CD99: variants seen among roughly 807,000 people sequenced by gnomAD.
CD99 encodes CD99 antigen.
CD99 carries 19 observed loss-of-function variants against 28.4 expected under a neutral mutation model. That is an observed-to-expected ratio of 0.67 (90% CI 0.47 to 0.98). The LOEUF (loss-of-function observed/expected upper bound fraction) is 0.98. Ranked by LOEUF, CD99 falls within the 50% of genes least tolerant of loss-of-function variation. The pLI, the probability that CD99 is intolerant of heterozygous loss-of-function variation, is 0.00. For missense variants in CD99, 283 were observed against 248.8 expected, an observed-to-expected ratio of 1.14 and a Z score of -0.92; for synonymous variants, 103 against 92.1, an observed-to-expected ratio of 1.12 and a Z score of -0.67.
intron 1 of CD99, among the ~76,000 whole-genome samples, chrX:2,694,487 A>G (rs2047481533): frequency 1.4e-5 from 2 of 143,344 alleles, no homozygotes; most frequent in African/African-American, 5.3e-5. Flanking sequence ...ACGGTGACTC[A>G]GGCCTGTAAA....
intron 8 of CD99, among the ~76,000 whole-genome samples, chrX:2,730,954 AG>A (rs2049573097): frequency 6.6e-6 from 1 of 151,274 alleles, no homozygotes; most frequent in East Asian, 1.9e-4. Flanking sequence ...AAAAAGAGAA[AG>A]AAAACAAAAA....
intron 8 of CD99, among the ~76,000 whole-genome samples, chrX:2,734,848 T>C (rs1183356141): frequency 6.6e-6 from 1 of 152,150 alleles, no homozygotes; most frequent in Non-Finnish European, 1.5e-5. Context: ...CTTTTCTTAT[T>C]TGCCCTCTTG....
intron 1 of CD99, among the ~76,000 whole-genome samples, chrX:2,711,768 G>C (rs970389156): frequency 2.4e-4 from 36 of 148,472 alleles, no homozygotes; most frequent in Non-Finnish European, 4.7e-4. Context: ...GGCTGGGTGC[G>C]GTGGCTCATG....
chrX:2,722,509 TG>T, intron 5 of CD99, 117 bp from the exon 6 acceptor site: 1 of 847,052 alleles, frequency 1.2e-6, no homozygotes, highest in Non-Finnish European at 2.1e-6. Flanking sequence ...TTAGTGGAGA[TG>T]GGGTTTCACC....
intron 8 of CD99, 94 bp downstream of exon 8, chrX:2,726,467 C>G: frequency 1.2e-6 from 1 of 814,350 alleles, no homozygotes; most frequent in Non-Finnish European, 2.2e-6. Flanking sequence ...CGGGCTGGCA[C>G]GAAACAGGTG....
chrX:2,712,776 TAC>T (rs769964356), intron 1 of CD99, among the ~76,000 whole-genome samples: 2 of 151,246 alleles, frequency 1.3e-5, no homozygotes, highest in African/African-American at 2.4e-5. Context: ...CAGCCATGAG[TAC>T]ACACACACAC....
intron 1 of CD99, chrX:2,691,843 T>G: frequency 1.3e-6 from 1 of 777,856 alleles, no homozygotes; most frequent in Non-Finnish European, 2.4e-6. Context: ...GAGTTGCCTG[T>G]CACAGCCACG....
chrX:2,710,620 A>G (rs1398694564), intron 1 of CD99, among the ~76,000 whole-genome samples: 1 of 151,494 alleles, frequency 6.6e-6, no homozygotes, highest in East Asian at 1.9e-4. Context: ...CTTTCTTGCT[A>G]AAGAATACAT....
rs1327902054 is a variant in CD99, at chrX:2,736,214, AAAAG to A, written c.476-1982_476-1979del. ...AAGACTCTGTCTCAAAAAAAAAAAAAAAAGAAAAGAAAAAGAAAAGTTACGCTGC... is the reference window on the plus strand; with the variant it reads ...AAGACTCTGTCTCAAAAAAAAAAAAAAAAAGAAAAAGAAAAGTTACGCTGC... On this transcript the variant is annotated intron_variant, in intron 8 of 9. Coordinates refer to ENST00000381192, the MANE Select transcript of CD99 (RefSeq NM_002414.5). 1.5e-3 allele frequency among the ~76,000 whole-genome samples: 231 copies of A among 151,538 alleles called. 1 individual carries two copies. Among genetic ancestry groups the A allele is most frequent in the African/African-American group, 4.8e-3 (197 of 41,350 alleles).
intron 8 of CD99, among the ~76,000 whole-genome samples, chrX:2,728,209 T>C (rs2049397764): frequency 6.9e-6 from 1 of 144,934 alleles, no homozygotes; most frequent in Non-Finnish European, 1.5e-5. Flanking sequence ...TCTTTTTTTT[T>C]TTTTTTTTTT....
At chrX:2,717,389 C>G in intron 2 of CD99, 1 of 561,444 alleles carries the variant, frequency 1.8e-6, no homozygotes, top group South Asian at 2.6e-5. Flanking sequence ...CTCCTGGTCT[C>G]TGTGGAAACC....
intron 7 of CD99, among the ~76,000 whole-genome samples, chrX:2,723,943 T>A (rs2049133980): frequency 1.4e-5 from 2 of 140,338 alleles, no homozygotes; most frequent in African/African-American, 5.4e-5. Flanking sequence ...AACAGAGAAG[T>A]AGGGAGGAAG....
At chrX:2,733,463 A>G (rs1393632290) in intron 8 of CD99, 4 of 1,374,476 alleles carry the variant, frequency 2.9e-6, no homozygotes, top group Non-Finnish European at 4.0e-6. Context: ...AAACCCTTCC[A>G]TCTGCCGCTC....
At position 2,740,964 on chromosome X, in the gene CD99, G is replaced by A. The variant is rs1382224366; in HGVS notation, c.*160G>A. 16 of 828,738 alleles carry A rather than the reference G, an allele frequency of 1.9e-5. No homozygotes were observed. Among genetic ancestry groups the A allele is most frequent in the Non-Finnish European group, 3.1e-5 (15 of 490,152 alleles). 51.3% of individuals were successfully genotyped at this position (828,738 alleles called of 1,614,324 possible). On this transcript the variant is annotated 3_prime_UTR_variant, in exon 10 of 10. Coordinates refer to ENST00000381192, the MANE Select transcript of CD99 (RefSeq NM_002414.5). ...TGCGATGTGCTTTGCTTGTTGCTGG[G>A]CGGATGATGTTTACTAACGATGAAT...
intron 8 of CD99, chrX:2,733,533 C>A: frequency 1.4e-6 from 1 of 739,156 alleles, no homozygotes; most frequent in Admixed American, 2.4e-5. Context: ...GGCGGATTCT[C>A]TGCCTTCAGT....
At chrX:2,739,566 C>T (rs943095374) in intron 9 of CD99, among the ~76,000 whole-genome samples, 1 of 152,016 alleles carries the variant, frequency 6.6e-6, no homozygotes, top group Non-Finnish European at 1.5e-5. Context: ...TCTCCTTCCT[C>T]AGCCTTCTGA....
At chrX:2,715,296 C>T (rs1217881301) in intron 2 of CD99, 1 of 152,240 alleles carries the variant, frequency 6.6e-6, no homozygotes, top group African/African-American at 2.4e-5. Flanking sequence ...GCTTAAACCA[C>T]AGGGATTTAT....
intron 8 of CD99, chrX:2,733,757 T>G: frequency 3.2e-6 from 1 of 309,644 alleles, no homozygotes; most frequent in Non-Finnish European, 6.0e-6. Context: ...GGCCACCCTC[T>G]TCCCTGCAGT....
intron 2 of CD99, 70 bp downstream of exon 2, chrX:2,714,524 C>T: frequency 1.6e-6 from 2 of 1,276,018 alleles, no homozygotes; most frequent in East Asian, 4.6e-5. Context: ...CAGGCATATC[C>T]CAGCCATTTC....
Sources: gnomAD v4.1 joint callset for allele counts (sites outside exome capture counted in the v4.1 genomes callset) on GRCh38, gnomAD v4.1.1 for gene constraint, MANE v1.5 for transcripts, NCBI Gene and HGNC (gene_info 2026-07-23, HGNC 2026-07-21) for gene names.